The following PEX26 variants were observed in gnomAD, a reference collection of about 807,000 sequenced individuals.
The protein encoded by PEX26 is peroxisome assembly protein 26.
Under a neutral mutation model 31.4 loss-of-function variants are expected in PEX26, and 18 were observed. The observed-to-expected ratio is 0.57, with a 90% CI of 0.40 to 0.85. The LOEUF is 0.85. PEX26 is among the 40% of genes least tolerant of loss of function. PEX26 has a pLI of 0.00. For missense variants in PEX26, 377 were observed against 383.9 expected, an observed-to-expected ratio of 0.98 and a Z score of 0.15; for synonymous variants, 176 against 166.9, an observed-to-expected ratio of 1.05 and a Z score of -0.42.
chr22:18,088,020 G>A lies in PEX26; in HGVS notation c.863G>A (p.Arg288His), dbSNP rs370622812. ...HFLYKLAQLF[R>H]WIRKAAFSRL... The stretch of plus-strand genomic sequence containing the variant: ...CTCTACAAGCTGGCCCAGCTCTTCC[G>A]CTGGATCCGGAAGGCTGCATTTTCT... Residue 288 changes from arginine to histidine, a missense_variant, in exon 5 of 5, where the codon CGC becomes CAC. Coordinates refer to ENST00000399744, the MANE Select transcript of PEX26 (RefSeq NM_001127649.3). This position sits in a 1 kb window ranked among gnomAD's most constrained non-coding sequence, Gnocchi z 4.1. The A allele has an allele frequency of 2.2e-5, 35 of 1,613,390 alleles. No individual in the cohort carries two copies. Among genetic ancestry groups the A allele is most frequent in the Non-Finnish European group, 2.9e-5 (34 of 1,179,876 alleles).
chr22:18,079,764 G>A, intron 1 of PEX26, 110 bp from the exon 2 acceptor site: 2 of 1,231,244 alleles, frequency 1.6e-6, no homozygotes, highest in Non-Finnish European at 2.4e-6. Flanking sequence ...AGGGATGAGA[G>A]AGATGATGGC....
rs923146726 is a variant in PEX26 at position 18,098,901 on chromosome 22, C to T, written c.*10826C>T. ...AGATATGGATGTTTGCATATAGGCA[C>T]ATTTAGCTGGATTAAGTTAGATTTA... On this transcript the variant is annotated 3_prime_UTR_variant, in exon 5 of 5. Coordinates refer to ENST00000399744, the MANE Select transcript of PEX26 (RefSeq NM_001127649.3). The T allele has an allele frequency of 5.3e-5, 8 of 152,062 alleles. No individual in the cohort carries two copies. The highest frequency in any genetic ancestry group is 1.0e-4 in the Non-Finnish European group (7 of 68,028). 9.4% of individuals were successfully genotyped at this position (152,062 alleles called of 1,614,324 possible). A position where few individuals can be genotyped will look rare whatever the true frequency, so the allele number is the denominator to read the frequency against.
At position 18,083,590 on chromosome 22, in the gene PEX26, G is replaced by A. The variant is rs1926710272; in HGVS notation, c.525G>A (p.Ser175=). ...TGCTGCTGCCTCTGGGCTGCTTATC[G>A]GAGGCTGAGGAGCTAGTGGTGGGCT... ...QRVLLPLGCL[S]EAEELVVGSA... The change falls in exon 3 of 5, where the codon TCG becomes TCA. Residue 175 remains serine, a synonymous_variant. Coordinates refer to ENST00000399744, the MANE Select transcript of PEX26 (RefSeq NM_001127649.3). The A allele has an allele frequency of 5.6e-6, 9 of 1,613,936 alleles. No homozygotes were observed. The highest frequency in any genetic ancestry group is 4.5e-5 in the East Asian group (2 of 44,902).
chr22:18,084,313 C>T (rs2123655854), intron 3 of PEX26, among the ~76,000 whole-genome samples: 1 of 151,472 alleles, frequency 6.6e-6, no homozygotes, highest in Non-Finnish European at 1.5e-5. Flanking sequence ...GATGCGATCT[C>T]CGCTCACTGC....
chr22:18,080,532 G>A lies in PEX26; in HGVS notation c.371+518G>A, dbSNP rs557937620. Among the ~76,000 whole-genome samples, 9 of 152,192 alleles carry A rather than the reference G, an allele frequency of 5.9e-5. No homozygotes were observed. In the South Asian group the frequency reaches 1.7e-3, roughly 28 times the overall value. On this transcript the variant is annotated intron_variant, in intron 2 of 4. Transcript: ENST00000399744. ...TTTTAAGTAGAGACAGGGTTTTACC[G>A]TGTTAGCCAGGATGGTCTCAATCTC... is the stretch of plus-strand genomic sequence containing the variant.
chr22:18,083,574 C>G lies in PEX26; in HGVS notation c.509C>G (p.Pro170Arg). 1 of 1,614,090 alleles carries G rather than the reference C, an allele frequency of 6.2e-7. No homozygotes were observed. The highest frequency in any genetic ancestry group is 8.5e-7 in the Non-Finnish European group (1 of 1,179,970). Residue 170 changes from proline (P) to arginine (R), a missense_variant, in exon 3 of 5, where the codon CCT becomes CGT. Coordinates refer to ENST00000399744, the MANE Select transcript of PEX26 (RefSeq NM_001127649.3). ...TTTCACGTGCAGCGGGTGCTGCTGC[C>G]TCTGGGCTGCTTATCGGAGGCTGAG... ...AEFHVQRVLL[P>R]LGCLSEAEEL...
chr22:18,079,557 G>A (rs1298072933), intron 1 of PEX26, among the ~76,000 whole-genome samples: 4 of 152,156 alleles, frequency 2.6e-5, no homozygotes, highest in African/African-American at 9.7e-5. Context: ...TCTCTTTTCA[G>A]CCACACACCG....
At position 18,078,462 on chromosome 22, in the gene PEX26, C is replaced by G; in HGVS notation, c.86C>G (p.Pro29Arg). The G allele has an allele frequency of 6.3e-7, 1 of 1,576,662 alleles. No homozygotes were observed. Among genetic ancestry groups the G allele is most frequent in the Non-Finnish European group, 8.6e-7 (1 of 1,163,854 alleles). The change falls in exon 1 of 5, where the codon CCG (proline) becomes CGG (arginine). Residue 29 changes from proline (P) to arginine (R), a missense_variant. Coordinates refer to ENST00000399744, the MANE Select transcript of PEX26 (RefSeq NM_001127649.3). ...AGCAGCGAGCCGGTGCGCGCGGTCCCGGCCCGGGCGCCGGCCGTGGACCTT... is the reference window on the plus strand; with the variant it reads ...AGCAGCGAGCCGGTGCGCGCGGTCCGGGCCCGGGCGCCGGCCGTGGACCTT... Reference protein sequence around the residue: ...LRSSEPVRAVPARAPAVDLLE... With the variant: ...LRSSEPVRAVRARAPAVDLLE...
chr22:18,081,010 T>TA (rs1381043504), intron 2 of PEX26, among the ~76,000 whole-genome samples: 1 of 151,794 alleles, frequency 6.6e-6, no homozygotes, highest in African/African-American at 2.4e-5. Flanking sequence ...TTTTTTTTTT[T>TA]AAAGATTCAC....
At chr22:18,078,862 A>G (rs763871904) in intron 1 of PEX26, 2 of 669,938 alleles carry the variant, frequency 3.0e-6, no homozygotes, top group Non-Finnish European at 5.5e-6. Context: ...CATGATGGGA[A>G]GGCTGAATGT....
chr22:18,084,520 G>A (rs1383951532), intron 3 of PEX26, among the ~76,000 whole-genome samples: 2 of 152,054 alleles, frequency 1.3e-5, no homozygotes, highest in Non-Finnish European at 2.9e-5. Context: ...TGGGATTACT[G>A]GCATGAGCCA....
intron 1 of PEX26, chr22:18,079,104 G>A (rs1322111773): frequency 2.0e-6 from 1 of 508,770 alleles, no homozygotes; most frequent in Admixed American, 6.4e-5. Flanking sequence ...GGAGGCCGAG[G>A]CAGGAGGATT....
rs1438341198 is a variant in PEX26 at position 18,091,089 on chromosome 22, GA to G, written c.*3016del. The G allele has an allele frequency of 1.2e-4, 19 of 152,160 alleles. No homozygotes were observed. The highest frequency in any genetic ancestry group is 8.8e-5 in the Non-Finnish European group (6 of 68,060). 9.4% of individuals were successfully genotyped at this position (152,160 alleles called of 1,614,324 possible). A position where few individuals can be genotyped will look rare whatever the true frequency, so the allele number is the denominator to read the frequency against. On this transcript the variant is annotated 3_prime_UTR_variant, in exon 5 of 5. Transcript: ENST00000399744. ...TTGCTGTGTTGCCCAGGCTGGACCT[GA>G]ACTCCTGGGCTTGAGCAAGTCTTCC...
In PEX26 at chr22:18,090,831, TG is replaced by T. The variant is rs1233849414; in HGVS notation, c.*2758del. ...CAGGCTATTGTTGGCCAGCCCTGGG[TG>T]GAGGTGGGTGCAAGCAGGACAGATA... On this transcript the variant is annotated 3_prime_UTR_variant, in exon 5 of 5. Coordinates refer to ENST00000399744, the MANE Select transcript of PEX26 (RefSeq NM_001127649.3). 4 of 113,204 alleles carry T rather than the reference TG, an allele frequency of 3.5e-5. No individual in the cohort carries two copies. In the East Asian group the frequency reaches 9.4e-4, roughly 27 times the overall value. 7.0% of individuals were successfully genotyped at this position (113,204 alleles called of 1,614,324 possible).
rs61752133 is a variant in PEX26, at chr22:18,079,896, C to CT, written c.254dup (p.Cys86ValfsTer29). On this transcript the variant is annotated frameshift_variant, in exon 2 of 5. Coordinates refer to ENST00000399744, the MANE Select transcript of PEX26 (RefSeq NM_001127649.3). LOFTEE classifies it high-confidence loss of function. The stretch of plus-strand genomic sequence containing the variant: ...CAGCTCATTGGAGGTGAAGTGCTCC[C>CT]TGTGTGTTGTGGGGATCCAGGCCCT... 19 of 1,614,098 alleles carry CT rather than the reference C, an allele frequency of 1.2e-5. No homozygotes were observed. Among genetic ancestry groups the CT allele is most frequent in the Non-Finnish European group, 1.6e-5 (19 of 1,180,000 alleles).
At position 18,088,110 on chromosome 22, in the gene PEX26, C is replaced by A. The variant is rs371445606; in HGVS notation, c.*35C>A. 1 of 1,366,038 alleles carries A rather than the reference C, an allele frequency of 7.3e-7. No individual in the cohort carries two copies. Among genetic ancestry groups the A allele is most frequent in the South Asian group, 1.2e-5 (1 of 86,350 alleles). The allele number at this position is 1,366,038 out of a possible 1,614,324, so 84.6% of individuals were successfully genotyped here. On this transcript the variant is annotated 3_prime_UTR_variant, in exon 5 of 5. Transcript: ENST00000399744. This position sits in a 1 kb window ranked among gnomAD's most constrained non-coding sequence, Gnocchi z 4.1. ...CGCACCACAGCCTCTCTGCTCCTCA[C>A]GTCCGTGGCCACAGAAGCAGAGCGA...
intron 1 of PEX26, chr22:18,079,335 AC>A: frequency 3.6e-6 from 2 of 559,162 alleles, no homozygotes; most frequent in Non-Finnish European, 4.5e-6. Context: ...GCTAAAGTTG[AC>A]CACAAAGAAG....
In PEX26 at chr22:18,094,542, A is replaced by G. The variant is rs1927232223; in HGVS notation, c.*6467A>G. Reference sequence around the variant, plus strand: ...TAATGACGACCTCAACATAATTTACATGGAGAAGTTTCTTAGGTGGAAAAC... The same window carrying G: ...TAATGACGACCTCAACATAATTTACGTGGAGAAGTTTCTTAGGTGGAAAAC... On this transcript the variant is annotated 3_prime_UTR_variant, in exon 5 of 5. Coordinates refer to ENST00000399744, the MANE Select transcript of PEX26 (RefSeq NM_001127649.3). 6.6e-6 allele frequency: 1 copy of G among 152,204 alleles called. No homozygotes were observed. The highest frequency in any genetic ancestry group is 1.5e-5 in the Non-Finnish European group (1 of 68,038). 9.4% of individuals were successfully genotyped at this position (152,204 alleles called of 1,614,324 possible).
rs1016152591 is a variant in PEX26 at position 18,096,642 on chromosome 22, T to G, written c.*8567T>G. The G allele has an allele frequency of 6.6e-6, 1 of 152,008 alleles. No homozygotes were observed. The highest frequency in any genetic ancestry group is 2.4e-5 in the African/African-American group (1 of 41,384). 9.4% of individuals were successfully genotyped at this position (152,008 alleles called of 1,614,324 possible). On this transcript the variant is annotated 3_prime_UTR_variant, in exon 5 of 5. Transcript: ENST00000399744. The stretch of plus-strand genomic sequence containing the variant: ...ACCGTGTTAGCCAGGATGGTCTCGA[T>G]CTCCTGACCTTGTGATCTGCCCACC...
Sources: allele counts gnomAD v4.1 joint callset (sites outside exome capture counted in the v4.1 genomes callset), GRCh38; gene constraint gnomAD v4.1.1; non-coding constraint Gnocchi (gnomAD v3.1); transcripts MANE v1.5; gene names NCBI Gene and HGNC (gene_info 2026-07-23, HGNC 2026-07-21).